Variants in SYT9 observed in about 807,000 individuals in gnomAD.
The protein encoded by SYT9 is synaptotagmin 9.
SYT9 carries 22 observed loss-of-function variants against 48.4 expected under a neutral mutation model. That is an observed-to-expected ratio of 0.45 (90% confidence interval 0.32 to 0.65). The LOEUF is 0.65. Among genes scored for constraint, SYT9 ranks in the 30% least tolerant of loss-of-function variants. The probability of loss-of-function intolerance (pLI) is 0.03; values close to 1 mark genes in which losing one functional copy is unlikely to be tolerated. For synonymous variants in SYT9, 265 were observed against 245.0 expected, an observed-to-expected ratio of 1.08 and a Z score of -0.76; for missense variants, 577 against 622.0, an observed-to-expected ratio of 0.93 and a Z score of 0.77.
chr11:7,441,395 T>C (rs1199398332), intron 6 of SYT9: 1 of 152,242 alleles, frequency 6.6e-6, no homozygotes, highest in African/African-American at 2.4e-5. Context: ...TGAAAACTTC[T>C]CCAGTTGCTT....
At position 7,443,470 on chromosome 11, in the gene SYT9, G is replaced by A. The variant is rs116187750; in HGVS notation, c.1467+22835G>A. ...GAGTGAACCACAGAGAGCACAGCCC[G>A]TGCACATGGTAGGCACCTCAGGAAG... On this transcript the variant is annotated intron_variant, in intron 6 of 6. Transcript: ENST00000318881. Among the ~76,000 whole-genome samples, 706 of 152,332 alleles carry A rather than the reference G, an allele frequency of 4.6e-3. 7 individuals carry two copies. Among genetic ancestry groups the A allele is most frequent in the African/African-American group, 0.015 (621 of 41,568 alleles).
chr11:7,399,191 A>G (rs1846825426), intron 3 of SYT9, among the ~76,000 whole-genome samples: 1 of 152,226 alleles, frequency 6.6e-6, no homozygotes, highest in Non-Finnish European at 1.5e-5. Flanking sequence ...TAAGTATGAA[A>G]TGCCTTACAG....
chr11:7,392,326 T>C (rs1277583319), intron 3 of SYT9, among the ~76,000 whole-genome samples: 1 of 152,164 alleles, frequency 6.6e-6, no homozygotes, highest in African/African-American at 2.4e-5. Flanking sequence ...CTGCATATGG[T>C]TGTCAAGTTA....
At chr11:7,263,309 T>C (rs939502022) in intron 1 of SYT9, among the ~76,000 whole-genome samples, 2 of 152,164 alleles carry the variant, frequency 1.3e-5, no homozygotes, top group African/African-American at 4.8e-5. Flanking sequence ...GCACCTTCTC[T>C]CTGTGTCCTC....
At chr11:7,360,242 T>C (rs992113497) in intron 3 of SYT9, among the ~76,000 whole-genome samples, 2 of 152,156 alleles carry the variant, frequency 1.3e-5, no homozygotes, top group Non-Finnish European at 2.9e-5. Context: ...CCATGCTGTT[T>C]TGGTTACTGT....
intron 3 of SYT9, among the ~76,000 whole-genome samples, chr11:7,321,522 T>G (rs1317794918): frequency 1.3e-5 from 2 of 152,198 alleles, no homozygotes; most frequent in Non-Finnish European, 1.5e-5. Context: ...GATTATTATA[T>G]TGATGCAACA....
chr11:7,403,528 G>C (rs191933359), intron 3 of SYT9, among the ~76,000 whole-genome samples: 237 of 152,034 alleles, frequency 1.6e-3, no homozygotes, highest in African/African-American at 5.6e-3. Flanking sequence ...CTCCAGTCTG[G>C]GCAACAAAGC....
intron 3 of SYT9, among the ~76,000 whole-genome samples, chr11:7,399,955 T>C (rs1436235787): frequency 3.3e-5 from 5 of 150,764 alleles, no homozygotes. Context: ...GACTGGATGA[T>C]GACTGCAAGA....
At position 7,252,218 on chromosome 11, in the gene SYT9, A is replaced by T. The variant is rs1367946684; in HGVS notation, c.32A>T (p.Gln11Leu). ...GGGGCCAGGGACGCGCTCTGTCACC[A>T]GGCGCTGCAGCTGCTGGCCGAGCTC... MPGARDALCH[Q>L]ALQLLAELCA... Residue 11 changes from glutamine (Q) to leucine (L), a missense_variant, in exon 1 of 7, where the codon CAG (glutamine) becomes CTG (leucine). By Grantham distance (113) the Gln-to-Leu change is moderately radical. Transcript: ENST00000318881. This position sits in a 1 kb window ranked among gnomAD's most constrained non-coding sequence, Gnocchi z 6.3. 1 of 1,488,232 alleles carries T rather than the reference A, an allele frequency of 6.7e-7. No individual in the cohort carries two copies. Among genetic ancestry groups the T allele is most frequent in the Admixed American group, 2.4e-5 (1 of 42,210 alleles). The allele number at this position is 1,488,232 out of a possible 1,614,324, so 92.2% of individuals were successfully genotyped here. A position where few individuals can be genotyped will look rare whatever the true frequency, so the allele number is the denominator to read the frequency against.
chr11:7,238,892 G>A (rs937156571), exon 1 of SYT9: 6 of 455,952 alleles, frequency 1.3e-5, no homozygotes, highest in African/African-American at 4.0e-5. Flanking sequence ...GGTGGAGGGA[G>A]ATTTAGCTTT....
intron 3 of SYT9, among the ~76,000 whole-genome samples, chr11:7,353,010 T>TA (rs1849947010): frequency 1.3e-5 from 2 of 152,346 alleles, no homozygotes; most frequent in African/African-American, 4.8e-5. Context: ...AACTTGTAAG[T>TA]AAGTAAATAT....
chr11:7,317,977 A>C (rs1849270665), intron 3 of SYT9, among the ~76,000 whole-genome samples: 1 of 152,226 alleles, frequency 6.6e-6, no homozygotes, highest in African/African-American at 2.4e-5. Context: ...TGCCAAGTTA[A>C]ACACCCTCTC....
chr11:7,339,166 T>C (rs1287546892), intron 3 of SYT9, among the ~76,000 whole-genome samples: 1 of 152,134 alleles, frequency 6.6e-6, no homozygotes, highest in Non-Finnish European at 1.5e-5. Flanking sequence ...GAAGTTAGGA[T>C]TGCAACTCCT....
chr11:7,271,750 G>A (rs1394259474), intron 1 of SYT9, among the ~76,000 whole-genome samples: 1 of 151,968 alleles, frequency 6.6e-6, no homozygotes, highest in African/African-American at 2.4e-5. Flanking sequence ...CTAATTTTTT[G>A]TATTTTTAGT....
intron 2 of SYT9, among the ~76,000 whole-genome samples, chr11:7,311,398 G>A (rs1198154273): frequency 3.3e-5 from 5 of 152,344 alleles, no homozygotes; most frequent in Non-Finnish European, 5.9e-5. Context: ...GTGATGAATC[G>A]AATGCCAGTA....
intron 6 of SYT9, among the ~76,000 whole-genome samples, chr11:7,460,656 TTAAC>T (rs1462806601): frequency 4.6e-5 from 7 of 152,196 alleles, no homozygotes; most frequent in East Asian, 1.9e-4. Flanking sequence ...GACTATAAAT[TTAAC>T]TAGTTAAGTT....
intron 6 of SYT9, among the ~76,000 whole-genome samples, chr11:7,425,911 A>C (rs1445817467): frequency 6.6e-6 from 1 of 152,196 alleles, no homozygotes; most frequent in Non-Finnish European, 1.5e-5. Flanking sequence ...TGAGAACAAA[A>C]TTTTTGTTAT....
At position 7,415,041 on chromosome 11, in the gene SYT9, A is replaced by T. The variant is rs184791987; in HGVS notation, c.1045-1001A>T. Among the ~76,000 whole-genome samples the T allele has an allele frequency of 1.9e-3, 294 of 152,228 alleles. 1 individual carries two copies. Among genetic ancestry groups the T allele is most frequent in the Non-Finnish European group, 3.3e-3 (227 of 68,012 alleles). Reference sequence around the variant, plus strand: ...TCCCTGAGCTAAAAAGGAGAAAGAGAATTGTGTCTTCTGACCTATCTGAAT... The same window carrying T: ...TCCCTGAGCTAAAAAGGAGAAAGAGTATTGTGTCTTCTGACCTATCTGAAT... On this transcript the variant is annotated intron_variant, in intron 3 of 6. Transcript: ENST00000318881.
intron 3 of SYT9, among the ~76,000 whole-genome samples, chr11:7,405,109 A>T (rs1034509782): frequency 6.6e-6 from 1 of 151,564 alleles, no homozygotes; most frequent in Non-Finnish European, 1.5e-5. Context: ...AAAAAAAAAA[A>T]AGCCAAATAC....
Sources: gnomAD v4.1 joint callset for allele counts (sites outside exome capture counted in the v4.1 genomes callset) on GRCh38, gnomAD v4.1.1 for gene constraint, Gnocchi (gnomAD v3.1) non-coding constraint, MANE v1.5 for transcripts, NCBI Gene and HGNC (gene_info 2026-07-23, HGNC 2026-07-21) for gene names.